ADAMTSL1: variants seen among roughly 807,000 people sequenced by gnomAD.
ADAMTSL1 encodes the protein ADAMTS-like protein 1.
ADAMTSL1 carries 126 observed loss-of-function variants against 201.8 expected under a neutral mutation model. That is an observed-to-expected ratio of 0.62 (90% CI 0.54 to 0.72). The LOEUF is 0.72. ADAMTSL1 is among the 30% of genes least tolerant of loss of function. The pLI is 0.00. For synonymous variants in ADAMTSL1, 1,121 were observed against 903.4 expected, an observed-to-expected ratio of 1.24 and a Z score of -4.32; for missense variants, 2,679 against 2,277.8, an observed-to-expected ratio of 1.18 and a Z score of -3.59.
chr9:18,694,625 C>A (rs1354994105), intron 13 of ADAMTSL1, among the ~76,000 whole-genome samples: 11 of 152,176 alleles, frequency 7.2e-5, no homozygotes, highest in African/African-American at 2.7e-4. Context: ...CCGGGCCACA[C>A]TGATGCAAGG....
chr9:18,210,519 A>T (rs1829830005), intron 2 of ADAMTSL1, among the ~76,000 whole-genome samples: 1 of 147,480 alleles, frequency 6.8e-6, no homozygotes, highest in Non-Finnish European at 1.5e-5. Flanking sequence ...ATATATTAAT[A>T]AATATATATA....
chr9:17,970,673 A>G (rs532714031), intron 1 of ADAMTSL1, among the ~76,000 whole-genome samples: 1 of 151,990 alleles, frequency 6.6e-6, no homozygotes, highest in Non-Finnish European at 1.5e-5. Flanking sequence ...GAGCTCATGC[A>G]TCATCTTCTG....
chr9:17,976,945 T>G (rs980943011), intron 1 of ADAMTSL1, among the ~76,000 whole-genome samples: 1 of 152,068 alleles, frequency 6.6e-6, no homozygotes, highest in Non-Finnish European at 1.5e-5. Flanking sequence ...CACTGTTGAG[T>G]ATGGTGTTAG....
intron 1 of ADAMTSL1, among the ~76,000 whole-genome samples, chr9:18,034,212 A>G (rs1430637128): frequency 1.3e-5 from 2 of 152,028 alleles, no homozygotes; most frequent in Admixed American, 1.3e-4. Context: ...CTCATTAACA[A>G]CCTTCTATAG....
intron 13 of ADAMTSL1, among the ~76,000 whole-genome samples, chr9:18,698,893 G>T (rs1156601767): frequency 6.6e-6 from 1 of 152,090 alleles, no homozygotes; most frequent in Non-Finnish European, 1.5e-5. Flanking sequence ...CCTCCTGATG[G>T]TCAGTGGGAC....
At chr9:18,460,310 G>A (rs756993272) in intron 2 of ADAMTSL1, among the ~76,000 whole-genome samples, 8 of 152,142 alleles carry the variant, frequency 5.3e-5, no homozygotes, top group Non-Finnish European at 1.2e-4. Context: ...TCGAGGACTT[G>A]CCCAACTCCA....
intron 4 of ADAMTSL1, among the ~76,000 whole-genome samples, chr9:18,588,177 G>C (rs115175530): frequency 0.077 from 11,731 of 152,152 alleles, 552 homozygotes; most frequent in South Asian, 0.2. Flanking sequence ...GAGGCGAAAT[G>C]ATACATTATT....
intron 1 of ADAMTSL1, among the ~76,000 whole-genome samples, chr9:18,012,005 A>C (rs978709426): frequency 6.6e-6 from 1 of 152,046 alleles, no homozygotes; most frequent in Non-Finnish European, 1.5e-5. Context: ...GAGTTCTAAA[A>C]TGCTCATGGG....
chr9:17,921,119 G>T (rs1373978039), intron 1 of ADAMTSL1, among the ~76,000 whole-genome samples: 1 of 151,948 alleles, frequency 6.6e-6, no homozygotes, highest in Non-Finnish European at 1.5e-5. Flanking sequence ...TGGCCTCTTG[G>T]GTTGTTCATC....
chr9:18,742,929 G>A (rs1328821704), intron 15 of ADAMTSL1, among the ~76,000 whole-genome samples: 1 of 151,674 alleles, frequency 6.6e-6, no homozygotes, highest in Non-Finnish European at 1.5e-5. Context: ...ACCACAAGGA[G>A]AACAACCCTG....
intron 2 of ADAMTSL1, among the ~76,000 whole-genome samples, chr9:18,335,177 T>G (rs1336212568): frequency 6.6e-6 from 1 of 152,138 alleles, no homozygotes; most frequent in Non-Finnish European, 1.5e-5. Context: ...CCATTTCTGG[T>G]AGAAAACAGG....
At chr9:18,095,416 C>T (rs75956320) in intron 1 of ADAMTSL1, among the ~76,000 whole-genome samples, 9 of 100,116 alleles carry the variant, frequency 9.0e-5, no homozygotes, top group African/African-American at 1.4e-4. Context: ...TTCTTTCTTT[C>T]TTTTTTTTTT....
In ADAMTSL1 at chr9:18,574,125, G is replaced by A; in HGVS notation, c.333G>A (p.Val111=). The A allele has an allele frequency of 1.9e-6, 3 of 1,614,108 alleles. No homozygotes were observed. The highest frequency in any genetic ancestry group is 2.5e-6 in the Non-Finnish European group (3 of 1,180,008). ...GCCAGTTTTATGAATGGCTTCCTGT[G>A]TCTAATGACCCTGACAACCCATGTT... The part of the protein sequence containing the change: ...HHGQFYEWLP[V]SNDPDNPCSL... The change falls in exon 4 of 29, where the codon GTG becomes GTA. Residue 111 remains valine (V), a synonymous_variant. Transcript: ENST00000380548.
At chr9:18,318,040 GTTTTC>G (rs143495726) in intron 2 of ADAMTSL1, among the ~76,000 whole-genome samples, 2,531 of 152,244 alleles carry the variant, frequency 0.017, 67 homozygotes, top group African/African-American at 0.058. Flanking sequence ...CTGAGCCTCT[GTTTTC>G]TTTTCTGTAA....
At chr9:18,309,504 C>A (rs1027838061) in intron 2 of ADAMTSL1, among the ~76,000 whole-genome samples, 1 of 152,082 alleles carries the variant, frequency 6.6e-6, no homozygotes, top group East Asian at 1.9e-4. Flanking sequence ...GATACAAAAT[C>A]AATGTGCAAA....
intron 4 of ADAMTSL1, among the ~76,000 whole-genome samples, chr9:18,577,063 C>G (rs915292409): frequency 9.2e-5 from 14 of 152,174 alleles, no homozygotes; most frequent in Admixed American, 2.0e-4. Context: ...TTAAAAGACA[C>G]AACTCTTAAG....
rs909804407 is a variant in ADAMTSL1 at position 18,661,134 on chromosome 9, A to G, written c.947-801A>G. On this transcript the variant is annotated intron_variant, in intron 8 of 28. Coordinates refer to ENST00000380548, the MANE Select transcript of ADAMTSL1 (RefSeq NM_001040272.6). ...CCCTACCAGAAATCCACAGGACAATAAAAAGGCAGGTAGGAAAGATAAAAC... is the reference window on the plus strand; with the variant it reads ...CCCTACCAGAAATCCACAGGACAATGAAAAGGCAGGTAGGAAAGATAAAAC... Among the ~76,000 whole-genome samples the G allele has an allele frequency of 7.2e-5, 11 of 152,302 alleles. 1 individual carries two copies. The highest frequency in any genetic ancestry group is 6.5e-4 in the Admixed American group (10 of 15,282).
chr9:18,033,560 C>T (rs946907797), intron 1 of ADAMTSL1, among the ~76,000 whole-genome samples: 2 of 152,170 alleles, frequency 1.3e-5, no homozygotes, highest in Non-Finnish European at 2.9e-5. Flanking sequence ...GTCCTTCTAA[C>T]CAGCCTGTTT....
chr9:18,471,538 T>C (rs1821214102), upstream of ADAMTSL1, among the ~76,000 whole-genome samples: 1 of 152,236 alleles, frequency 6.6e-6, no homozygotes, highest in Non-Finnish European at 1.5e-5. Flanking sequence ...AATTAGTTCA[T>C]GACCAAAACT....
Sources: allele counts gnomAD v4.1 joint callset (sites outside exome capture counted in the v4.1 genomes callset), GRCh38; gene constraint gnomAD v4.1.1; transcripts MANE v1.5; gene names NCBI Gene and HGNC (gene_info 2026-07-23, HGNC 2026-07-21).